The following FBXL17 variants were observed in gnomAD, a reference collection of about 807,000 sequenced individuals.
FBXL17 encodes the protein F-box/LRR-repeat protein 17.
Under a neutral mutation model 66.2 loss-of-function variants are expected in FBXL17, and 22 were observed. The observed-to-expected ratio is 0.33, with a 90% CI of 0.24 to 0.47. The LOEUF is 0.47. FBXL17 is among the 20% of genes least tolerant of loss of function. The pLI, the probability that FBXL17 is intolerant of heterozygous loss-of-function variation, is 1.00. For missense variants in FBXL17, 878 were observed against 948.2 expected, an observed-to-expected ratio of 0.93 and a Z score of 0.97; for synonymous variants, 474 against 400.5, an observed-to-expected ratio of 1.18 and a Z score of -2.19.
chr5:108,097,601 C>T (rs1749426230), intron 6 of FBXL17, among the ~76,000 whole-genome samples: 2 of 151,716 alleles, frequency 1.3e-5, no homozygotes, highest in Admixed American at 1.3e-4. Context: ...CCAGCCTGAC[C>T]AACATGGTGA....
At chr5:108,205,408 T>C (rs2966820) in intron 5 of FBXL17, among the ~76,000 whole-genome samples, 113,307 of 151,934 alleles carry the variant, frequency 0.75, 42,612 homozygotes, top group East Asian at 0.93. Context: ...ACAATAATAC[T>C]TTGTTATCAT....
At chr5:108,157,069 C>A (rs1184629221) in intron 6 of FBXL17, among the ~76,000 whole-genome samples, 2 of 150,538 alleles carry the variant, frequency 1.3e-5, no homozygotes, top group Non-Finnish European at 3.0e-5. Flanking sequence ...AAACAAAACA[C>A]AAGAGTTAGA....
chr5:108,042,647 T>C (rs978215666), intron 6 of FBXL17, among the ~76,000 whole-genome samples: 1 of 152,222 alleles, frequency 6.6e-6, no homozygotes, highest in African/African-American at 2.4e-5. Flanking sequence ...CCACATTCTG[T>C]TCACCCATTC....
intron 7 of FBXL17, among the ~76,000 whole-genome samples, chr5:107,932,968 A>T (rs567675269): frequency 5.9e-5 from 9 of 152,220 alleles, no homozygotes; most frequent in African/African-American, 2.2e-4. Context: ...GAAAAAGGAG[A>T]TATATGTGGT....
At chr5:107,875,291 A>AC (rs1748587181) in intron 8 of FBXL17, among the ~76,000 whole-genome samples, 1 of 151,838 alleles carries the variant, frequency 6.6e-6, no homozygotes, top group African/African-American at 2.4e-5. Context: ...CCCTCAAATT[A>AC]TTTTTCTCTG....
rs2150032356 is a variant in FBXL17, at chr5:108,186,205, G to A, written c.1657C>T (p.Leu553=). ...ATTTCCATCACGGTTTCATTATCCA[G>A]TTCAGTGATATGACGTAGGTCCAAG... The part of the protein sequence containing the change: ...SSLDLRHITE[L]DNETVMEIVK... Residue 553 remains leucine, a synonymous_variant, in exon 6 of 9, where the codon CTG becomes TTG. Coordinates refer to ENST00000542267, the MANE Select transcript of FBXL17 (RefSeq NM_001163315.3). The A allele has an allele frequency of 6.2e-7, 1 of 1,612,626 alleles. No individual in the cohort carries two copies. The highest frequency in any genetic ancestry group is 1.3e-5 in the African/African-American group (1 of 74,986).
intron 6 of FBXL17, among the ~76,000 whole-genome samples, chr5:108,106,584 C>G (rs187878258): frequency 6.6e-6 from 1 of 152,228 alleles, no homozygotes; most frequent in Non-Finnish European, 1.5e-5. Flanking sequence ...AAAGTGAATA[C>G]GTGCTACAAC....
chr5:108,063,804 A>G (rs1175261250), intron 6 of FBXL17, among the ~76,000 whole-genome samples: 2 of 152,160 alleles, frequency 1.3e-5, no homozygotes, highest in African/African-American at 4.8e-5. Context: ...TTTATAATAG[A>G]TGTATCTTTC....
intron 4 of FBXL17, among the ~76,000 whole-genome samples, chr5:108,316,788 G>A (rs1323053059): frequency 2.0e-5 from 3 of 150,608 alleles, no homozygotes; most frequent in African/African-American, 7.3e-5. Context: ...ATATATATGG[G>A]AAATTATACT....
At chr5:108,095,391 T>C (rs1227130180) in intron 6 of FBXL17, among the ~76,000 whole-genome samples, 2 of 152,214 alleles carry the variant, frequency 1.3e-5, no homozygotes, top group South Asian at 4.1e-4. Flanking sequence ...ATGATATTTA[T>C]GTCCACTGTG....
intron 6 of FBXL17, among the ~76,000 whole-genome samples, chr5:108,049,904 T>C (rs1018854715): frequency 6.6e-6 from 1 of 151,616 alleles, no homozygotes; most frequent in Non-Finnish European, 1.5e-5. Flanking sequence ...ACCAAGCAAA[T>C]GGAAAGCAAA....
intron 4 of FBXL17, among the ~76,000 whole-genome samples, chr5:108,266,265 T>C (rs977064660): frequency 3.9e-5 from 6 of 152,128 alleles, no homozygotes; most frequent in African/African-American, 1.2e-4. Context: ...TTTCAGTTAC[T>C]TGTGATCAAC....
chr5:108,082,277 G>A (rs998203751), intron 6 of FBXL17, among the ~76,000 whole-genome samples: 1 of 151,976 alleles, frequency 6.6e-6, no homozygotes, highest in Non-Finnish European at 1.5e-5. Context: ...CCAAGGACAG[G>A]CTCAGATCTC....
chr5:108,298,262 A>G, intron 4 of FBXL17: 1 of 984,748 alleles, frequency 1.0e-6, no homozygotes, highest in Non-Finnish European at 1.2e-6. Flanking sequence ...GCTACTTCTT[A>G]CTACTATGTG....
At chr5:108,308,514 G>A (rs1007780650) in intron 4 of FBXL17, among the ~76,000 whole-genome samples, 13 of 152,076 alleles carry the variant, frequency 8.5e-5, no homozygotes, top group South Asian at 2.1e-4. Flanking sequence ...TATATTCTGC[G>A]GTCAAAACAG....
intron 4 of FBXL17, among the ~76,000 whole-genome samples, chr5:108,246,835 A>C (rs970029564): frequency 1.3e-5 from 2 of 152,244 alleles, no homozygotes; most frequent in Admixed American, 1.3e-4. Context: ...TTCATTTAAG[A>C]AACAAAATCA....
chr5:108,322,142 A>G (rs1759648543), intron 4 of FBXL17, among the ~76,000 whole-genome samples: 1 of 151,912 alleles, frequency 6.6e-6, no homozygotes, highest in African/African-American at 2.4e-5. Flanking sequence ...ATCTGGCAAT[A>G]TCTACGAAAA....
At chr5:108,027,544 G>A (rs1754870050) in intron 6 of FBXL17, among the ~76,000 whole-genome samples, 1 of 152,090 alleles carries the variant, frequency 6.6e-6, no homozygotes, top group Non-Finnish European at 1.5e-5. Flanking sequence ...GTTTCATTGA[G>A]TGTAAACTAT....
In FBXL17 at chr5:108,002,523, C is replaced by G. The variant is rs1013063070; in HGVS notation, c.1822+18402G>C. ...TGATGCTTCTCAGTAATACTTTTCC[C>G]AGGTATCTACCTAAGATAAATGAGA... On this transcript the variant is annotated intron_variant, in intron 7 of 8. Coordinates refer to ENST00000542267, the MANE Select transcript of FBXL17 (RefSeq NM_001163315.3). Among the ~76,000 whole-genome samples the G allele has an allele frequency of 3.3e-5, 5 of 152,110 alleles. No individual in the cohort carries two copies. In the South Asian group the frequency reaches 1.0e-3, roughly 32 times the overall value.
Sources: gnomAD v4.1 joint callset for allele counts (sites outside exome capture counted in the v4.1 genomes callset) on GRCh38, gnomAD v4.1.1 for gene constraint, MANE v1.5 for transcripts, NCBI Gene and HGNC (gene_info 2026-07-23, HGNC 2026-07-21) for gene names.